Variants in EPS8L3 observed in about 807,000 individuals in gnomAD.
EPS8L3 encodes the protein EPS8 signaling adaptor L3.
Under a neutral mutation model 88.5 loss-of-function variants are expected in EPS8L3, and 80 were observed. That is an observed-to-expected ratio of 0.90 (90% CI 0.75 to 1.09). The LOEUF (loss-of-function observed/expected upper bound fraction) is 1.09, where lower values mean the gene tolerates loss of function less well. Among genes scored for constraint, EPS8L3 ranks in the 50% least tolerant of loss-of-function variants. The pLI, the probability that EPS8L3 is intolerant of heterozygous loss-of-function variation, is 0.00. For synonymous variants in EPS8L3, 286 were observed against 291.0 expected, an observed-to-expected ratio of 0.98 and a Z score of 0.18; for missense variants, 721 against 735.2, an observed-to-expected ratio of 0.98 and a Z score of 0.22.
intron 12 of EPS8L3, among the ~76,000 whole-genome samples, chr1:109,754,846 C>T (rs1650134429): frequency 6.6e-6 from 1 of 152,210 alleles, no homozygotes; most frequent in Middle Eastern, 3.2e-3. Context: ...AACTGTGAGA[C>T]TGGCTTATTC....
At chr1:109,751,049 C>G (rs1477290846) in intron 17 of EPS8L3, among the ~76,000 whole-genome samples, 1 of 152,190 alleles carries the variant, frequency 6.6e-6, no homozygotes, top group East Asian at 1.9e-4. Context: ...GGGGTTCTTC[C>G]CGAGTCCACT....
rs187392246 is a variant in EPS8L3 at position 109,751,671 on chromosome 1, C to T, written c.1546G>A (p.Gly516Ser). Residue 516 changes from glycine to serine, a missense_variant, in exon 16 of 19, where the codon GGC (glycine) becomes AGC (serine). Gly to Ser is a moderately conservative substitution (Grantham distance 56, BLOSUM62 0). Transcript: ENST00000361965. ...PLQPGTPGTQ[G>S]QSPSRVPMLR... is the part of the protein sequence containing the mutation. ...GGTAGTACCCGAGAGGGTGACTGGC[C>T]CTGGGTCCCAGGGGTCCCCGGCTGT... 6.2e-7 allele frequency: 1 copy of T among 1,614,020 alleles called. No individual in the cohort carries two copies. Among genetic ancestry groups the T allele is most frequent in the Non-Finnish European group, 8.5e-7 (1 of 1,180,018 alleles).
At chr1:109,753,970 G>A (rs144552594) in intron 12 of EPS8L3, among the ~76,000 whole-genome samples, 1 of 152,310 alleles carries the variant, frequency 6.6e-6, no homozygotes, top group African/African-American at 2.4e-5. Context: ...CTTGGGGGCT[G>A]TACCCCTAGT....
At chr1:109,761,165 G>T in intron 3 of EPS8L3, 1 of 273,504 alleles carries the variant, frequency 3.7e-6, no homozygotes, top group Non-Finnish European at 7.2e-6. Flanking sequence ...GCAGGGGGTT[G>T]GGAGACAGGG....
rs1348672554 is a variant in EPS8L3 at position 109,750,847 on chromosome 1, G to A, written c.1638-55C>T. On this transcript the variant is annotated intron_variant, in intron 17 of 18. Transcript: ENST00000361965. ...GGTGGGCTGGAAGGACCCTGGGCCTGAGCGTTTGGGCAGAGACAGGGCTCT... is the reference window on the plus strand; with the variant it reads ...GGTGGGCTGGAAGGACCCTGGGCCTAAGCGTTTGGGCAGAGACAGGGCTCT... 4.4e-6 allele frequency: 7 copies of A among 1,605,514 alleles called. No homozygotes were observed. The East Asian group carries it at 1.6e-4, about 36-fold the overall frequency.
chr1:109,752,537 AG>A, intron 14 of EPS8L3, 148 bp downstream of exon 14: 1 of 715,224 alleles, frequency 1.4e-6, no homozygotes, highest in East Asian at 2.7e-5. Context: ...TTTTCACCCA[AG>A]GTAGGAGAGG....
intron 14 of EPS8L3, among the ~76,000 whole-genome samples, 195 bp downstream of exon 14, chr1:109,752,491 A>C (rs1256787823): frequency 6.6e-6 from 1 of 152,106 alleles, no homozygotes; most frequent in Non-Finnish European, 1.5e-5. Flanking sequence ...GTATCATGAG[A>C]AGAAGCAATG....
chr1:109,759,544 T>G lies in EPS8L3; in HGVS notation c.255+134A>C, dbSNP rs937111999. On this transcript the variant is annotated intron_variant, in intron 4 of 18. Transcript: ENST00000361965. This position sits in a 1 kb window ranked among gnomAD's most constrained non-coding sequence, Gnocchi z 4.2. The stretch of plus-strand genomic sequence containing the variant: ...GTCCCCAGCCTCTGTCCCCTGTCTC[T>G]TCCTAGGCTTGGGTGTGTGTTGTAT... 16 of 1,481,536 alleles carry G rather than the reference T, an allele frequency of 1.1e-5. No individual in the cohort carries two copies. The highest frequency in any genetic ancestry group is 1.5e-5 in the Non-Finnish European group (16 of 1,101,424). The allele number at this position is 1,481,536 out of a possible 1,614,324, so 91.8% of individuals were successfully genotyped here. A position where few individuals can be genotyped will look rare whatever the true frequency, so the allele number is the denominator to read the frequency against.
At position 109,758,374 on chromosome 1, in the gene EPS8L3, G is replaced by A; in HGVS notation, c.659C>T (p.Ala220Val). The change falls in exon 8 of 19, where the codon GCC becomes GTC. Residue 220 changes from alanine to valine, a missense_variant. Ala to Val is a moderately conservative substitution (Grantham distance 64, BLOSUM62 0). Coordinates refer to ENST00000361965, the MANE Select transcript of EPS8L3 (RefSeq NM_133181.4). ...CCGCCTTGGAGGAGGCAGAGTAAAG[G>A]CACTTGGTTCTCGGGCACTGGTGTG... Reference protein sequence around the residue: ...PRHTSAREPSAFTLPPPRRSS... With the variant: ...PRHTSAREPSVFTLPPPRRSS... 6.2e-7 allele frequency: 1 copy of A among 1,613,278 alleles called. No homozygotes were observed. The highest frequency in any genetic ancestry group is 8.5e-7 in the Non-Finnish European group (1 of 1,179,678).
In EPS8L3 at chr1:109,763,885, C is replaced by T. The variant is rs552553728; in HGVS notation, c.-88G>A. 2.6e-4 allele frequency: 40 copies of T among 153,380 alleles called. No individual in the cohort carries two copies. The highest frequency in any genetic ancestry group is 5.3e-4 in the Non-Finnish European group (36 of 68,554). The allele number at this position is 153,380 out of a possible 1,614,324, so 9.5% of individuals were successfully genotyped here. Reference sequence around the variant, plus strand: ...GAGGCTGGTCTTGGAGCAGGTGGTCCGGTGCTGGTGGTGGAAGGACAGCAG... The same window carrying T: ...GAGGCTGGTCTTGGAGCAGGTGGTCTGGTGCTGGTGGTGGAAGGACAGCAG... On this transcript the variant is annotated 5_prime_UTR_variant, in exon 1 of 19. Transcript: ENST00000361965.
Position 109,762,518 on chromosome 1 carries a change from C to T in EPS8L3, c.-24-745G>A, listed in dbSNP as rs540547919. Reference sequence around the variant, plus strand: ...TCCTAATGCTGCACTGGACCTTGTACATTTATCTCCAGCAACAATAGTCAC... The same window carrying T: ...TCCTAATGCTGCACTGGACCTTGTATATTTATCTCCAGCAACAATAGTCAC... On this transcript the variant is annotated intron_variant, in intron 1 of 18. Coordinates refer to ENST00000361965, the MANE Select transcript of EPS8L3 (RefSeq NM_133181.4). 1.1e-3 allele frequency among the ~76,000 whole-genome samples: 175 copies of T among 152,332 alleles called. 2 individuals carry two copies. Among genetic ancestry groups the T allele is most frequent in the Admixed American group, 2.0e-3 (31 of 15,300 alleles).
At chr1:109,752,335 G>T (rs957250388) in intron 14 of EPS8L3, 142 bp from the exon 15 acceptor site, 3 of 789,388 alleles carry the variant, frequency 3.8e-6, no homozygotes, top group South Asian at 3.6e-5. Context: ...TGGCAGGTCA[G>T]TGTTAGGTGG....
rs1178533408 is a variant in EPS8L3, at chr1:109,750,164, A to G, written c.*227T>C. On this transcript the variant is annotated 3_prime_UTR_variant, in exon 19 of 19. Transcript: ENST00000361965. ...TAGGCATAAATGCTCCAGGTTTGGG[A>G]AAGAGGTAAAATAAATAGGTGGTTA... The G allele has an allele frequency of 1.7e-6, 1 of 593,052 alleles. No individual in the cohort carries two copies. The highest frequency in any genetic ancestry group is 1.9e-5 in the African/African-American group (1 of 53,604). The allele number at this position is 593,052 out of a possible 1,614,324, so 36.7% of individuals were successfully genotyped here. A position where few individuals can be genotyped will look rare whatever the true frequency, so the allele number is the denominator to read the frequency against.
chr1:109,762,160 G>C (rs1651047546), intron 1 of EPS8L3, among the ~76,000 whole-genome samples: 1 of 152,164 alleles, frequency 6.6e-6, no homozygotes, highest in Non-Finnish European at 1.5e-5. Context: ...GATGAGCAGA[G>C]GGTTCTGTAG....
intron 16 of EPS8L3, 43 bp from the exon 17 acceptor site, chr1:109,751,394 A>G: frequency 6.4e-7 from 1 of 1,562,766 alleles, no homozygotes; most frequent in Non-Finnish European, 8.8e-7. Context: ...ATCTCATCTC[A>G]CAGCCAACCA....
chr1:109,756,128 C>G (rs116554644), intron 12 of EPS8L3, among the ~76,000 whole-genome samples: 1 of 152,256 alleles, frequency 6.6e-6, no homozygotes. Context: ...TGGGCATCCC[C>G]TCTCAGCTGC....
chr1:109,751,127 G>A (rs1365356075), intron 17 of EPS8L3, 151 bp downstream of exon 17: 4 of 692,224 alleles, frequency 5.8e-6, no homozygotes, highest in South Asian at 3.7e-5. Context: ...GCTTGGACAC[G>A]CCTCTGCTCT....
rs756301388 is a variant in EPS8L3 at position 109,758,749 on chromosome 1, G to A, written c.462-86C>T. On this transcript the variant is annotated intron_variant, in intron 6 of 18. Coordinates refer to ENST00000361965, the MANE Select transcript of EPS8L3 (RefSeq NM_133181.4). ...CACAATTCTGCTCCAGGACCCAGGGGCACCACCACCTCTCTCCAGGAGTCC... is the reference window on the plus strand; with the variant it reads ...CACAATTCTGCTCCAGGACCCAGGGACACCACCACCTCTCTCCAGGAGTCC... The A allele has an allele frequency of 4.7e-5, 70 of 1,476,576 alleles. No individual in the cohort carries two copies. The South Asian group carries it at 9.1e-4, about 19-fold the overall frequency. The allele number at this position is 1,476,576 out of a possible 1,614,324, so 91.5% of individuals were successfully genotyped here.
At chr1:109,761,308 C>G (rs528303484) in intron 3 of EPS8L3, 187 bp downstream of exon 3, 31 of 599,298 alleles carry the variant, frequency 5.2e-5, no homozygotes, top group Middle Eastern at 4.2e-4. Context: ...CACCCCTCCC[C>G]GTCCCTGACA....
Sources: gnomAD v4.1 joint callset for allele counts (sites outside exome capture counted in the v4.1 genomes callset) on GRCh38, gnomAD v4.1.1 for gene constraint, Gnocchi (gnomAD v3.1) non-coding constraint, MANE v1.5 for transcripts, NCBI Gene and HGNC (gene_info 2026-07-23, HGNC 2026-07-21) for gene names.